Variants in MICAL3 observed in about 807,000 individuals in gnomAD.
MICAL3 encodes the protein [F-actin]-monooxygenase MICAL3.
A neutral mutation model predicts 207.4 loss-of-function variants in MICAL3; 62 were observed. The ratio of observed to expected loss-of-function variants is 0.30; its 90% CI spans 0.24 to 0.37. The LOEUF is 0.37. Ranked by LOEUF, MICAL3 falls within the 10% of genes least tolerant of loss-of-function variation. MICAL3 has a pLI of 1.00. For synonymous variants in MICAL3, 1,077 were observed against 1,069.3 expected (o/e 1.01, Z -0.14); for missense variants, 2,368 against 2,635.6 (o/e 0.90, Z 2.22).
At chr22:18,018,997 G>A (rs930296090) in intron 1 of MICAL3, among the ~76,000 whole-genome samples, 3 of 152,130 alleles carry the variant, frequency 2.0e-5, no homozygotes, top group African/African-American at 7.2e-5. Flanking sequence ...TTGGAGGCCA[G>A]CCTGGAGAAC....
intron 1 of MICAL3, among the ~76,000 whole-genome samples, chr22:17,936,819 G>A (rs1047539229): frequency 1.3e-5 from 2 of 152,142 alleles, no homozygotes; most frequent in African/African-American, 4.8e-5. Flanking sequence ...AATAGTAGGA[G>A]AGGCCCTAAG....
chr22:17,994,297 C>A (rs577850422), intron 1 of MICAL3, among the ~76,000 whole-genome samples: 2 of 152,324 alleles, frequency 1.3e-5, no homozygotes, highest in Admixed American at 6.5e-5. Flanking sequence ...AGCTGCCATT[C>A]CCCTGGGGGC....
At chr22:17,821,551 C>A in intron 24 of MICAL3, 42 bp from the exon 25 acceptor site, 1 of 1,494,522 alleles carries the variant, frequency 6.7e-7, no homozygotes, top group Middle Eastern at 1.8e-4. Context: ...GGAAGCCCCC[C>A]CATGTGCCAG....
At chr22:17,986,378 G>A (rs1032909164) in intron 1 of MICAL3, among the ~76,000 whole-genome samples, 1 of 152,152 alleles carries the variant, frequency 6.6e-6, no homozygotes, top group African/African-American at 2.4e-5. Context: ...AAATTAGCCA[G>A]GTGTGGTAAC....
intron 19 of MICAL3, chr22:17,861,316 G>GGTCA: frequency 1.0e-6 from 1 of 985,364 alleles, no homozygotes; most frequent in South Asian, 4.7e-5. Context: ...TGGGGACAGG[G>GGTCA]GTCAGGCAAC....
At chr22:17,980,384 G>C (rs909339199) in intron 1 of MICAL3, among the ~76,000 whole-genome samples, 1 of 152,164 alleles carries the variant, frequency 6.6e-6, no homozygotes, top group Non-Finnish European at 1.5e-5. Context: ...TCCGCAATCA[G>C]AATTAACGGC....
At chr22:17,922,052 T>G (rs558530805) in intron 1 of MICAL3, among the ~76,000 whole-genome samples, 7 of 152,254 alleles carry the variant, frequency 4.6e-5, no homozygotes, top group African/African-American at 1.4e-4. Flanking sequence ...CTCCTGCACT[T>G]GAGACTGCAG....
In MICAL3 at chr22:17,839,258, A is replaced by ATTTTTTTTT. The variant is rs58568915; in HGVS notation, c.2801+2555_2801+2563dup. Reference sequence around the variant, plus strand: ...GCTACCGCACCAGGCCGGGCTCTTCATTTTTTTTTTTTTTTTTGAGACGAA... The same window carrying ATTTTTTTTT: ...GCTACCGCACCAGGCCGGGCTCTTCATTTTTTTTTTTTTTTTTTTTTTTTTTGAGACGAA... On this transcript the variant is annotated intron_variant, in intron 20 of 31. Transcript: ENST00000441493. 4.1e-3 allele frequency among the ~76,000 whole-genome samples: 447 copies of ATTTTTTTTT among 110,294 alleles called. 16 individuals are homozygous for ATTTTTTTTT. The highest frequency in any genetic ancestry group is 7.6e-3 in the African/African-American group (200 of 26,460). 72.4% of individuals were successfully genotyped at this position (110,294 alleles called of 152,430 possible). A position where few individuals can be genotyped will look rare whatever the true frequency, so the allele number is the denominator to read the frequency against.
intron 1 of MICAL3, among the ~76,000 whole-genome samples, chr22:17,971,584 C>T (rs1309938630): frequency 6.6e-6 from 1 of 152,216 alleles, no homozygotes; most frequent in African/African-American, 2.4e-5. Flanking sequence ...ATCTAGCATA[C>T]ACAGGCACCA....
intron 19 of MICAL3, chr22:17,860,485 C>A (rs990714025): frequency 1.4e-5 from 14 of 985,310 alleles, no homozygotes; most frequent in Non-Finnish European, 1.6e-5. Context: ...CTGAATGGCT[C>A]GGGAGAAAAG....
intron 1 of MICAL3, among the ~76,000 whole-genome samples, chr22:17,952,057 T>C (rs1413294465): frequency 6.6e-6 from 1 of 152,164 alleles, no homozygotes. Flanking sequence ...GGCTGCTATG[T>C]GATGCATGAA....
intron 1 of MICAL3, among the ~76,000 whole-genome samples, chr22:18,013,883 C>T (rs373787204): frequency 2.0e-5 from 3 of 152,140 alleles, no homozygotes; most frequent in South Asian, 2.1e-4. Flanking sequence ...TCACTGTACC[C>T]TTGAACTCCT....
At chr22:17,926,965 T>C (rs1932953188) in intron 1 of MICAL3, among the ~76,000 whole-genome samples, 1 of 152,238 alleles carries the variant, frequency 6.6e-6, no homozygotes, top group South Asian at 2.1e-4. Flanking sequence ...TTAACCATTT[T>C]TAATTGTACA....
chr22:18,006,350 C>G (rs1923385819), intron 1 of MICAL3: 1 of 152,124 alleles, frequency 6.6e-6, no homozygotes, highest in Admixed American at 6.6e-5. Flanking sequence ...AAGTCTGCCC[C>G]CCTAGTAGGA....
At chr22:17,827,564 A>C in intron 22 of MICAL3, 80 bp downstream of exon 22, 1 of 1,456,928 alleles carries the variant, frequency 6.9e-7, no homozygotes, top group Non-Finnish European at 9.1e-7. Context: ...CTGCCCTGAC[A>C]GAAAGGCCCC....
intron 16 of MICAL3, chr22:17,879,359 G>A (rs1929202979): frequency 1.2e-6 from 2 of 1,611,626 alleles, no homozygotes; most frequent in Non-Finnish European, 8.5e-7. Flanking sequence ...CTCATGGTGG[G>A]GGCTCTGCTT....
chr22:17,898,702 C>G (rs1205185306), intron 7 of MICAL3, among the ~76,000 whole-genome samples: 1 of 152,160 alleles, frequency 6.6e-6, no homozygotes, highest in Non-Finnish European at 1.5e-5. Context: ...CCAGTGAGAC[C>G]AGGAAAGACT....
rs112971383 is a variant in MICAL3 at position 17,855,118 on chromosome 22, C to A, written c.2605+9781G>T. Among the ~76,000 whole-genome samples the A allele has an allele frequency of 5.5e-3, 843 of 152,298 alleles. 8 individuals are homozygous for A. The highest frequency in any genetic ancestry group is 0.019 in the African/African-American group (810 of 41,548). ...TTCCTGAAAACCTCTCTATGCCGAA[C>A]CATGTTGCAGCTGGCAGGCACAACC... On this transcript the variant is annotated intron_variant, in intron 19 of 31. Transcript: ENST00000441493.
At chr22:17,982,288 C>T (rs139278987) in intron 1 of MICAL3, among the ~76,000 whole-genome samples, 3 of 152,238 alleles carry the variant, frequency 2.0e-5, no homozygotes, top group Non-Finnish European at 4.4e-5. Flanking sequence ...GGCTTTCCCA[C>T]AGCCGGGCAC....
Sources: allele counts gnomAD v4.1 joint callset (sites outside exome capture counted in the v4.1 genomes callset), GRCh38; gene constraint gnomAD v4.1.1; transcripts MANE v1.5; gene names NCBI Gene and HGNC (gene_info 2026-07-23, HGNC 2026-07-21).